Variants in CDH2 observed in about 807,000 individuals in gnomAD.
CDH2 encodes the protein cadherin 2.
In CDH2, 17 loss-of-function variants were observed where a neutral mutation model predicts 92.0. That is an observed-to-expected ratio of 0.18 (90% CI 0.13 to 0.28). The LOEUF (loss-of-function observed/expected upper bound fraction) is 0.28. Ranked by LOEUF, CDH2 falls within the 10% of genes least tolerant of loss-of-function variation. The pLI is 1.00. For missense variants in CDH2, 862 were observed against 1,133.1 expected (o/e 0.76, Z 3.44); for synonymous variants, 419 against 415.9 (o/e 1.01, Z -0.09).
downstream of CDH2, among the ~76,000 whole-genome samples, chr18:27,948,605 T>A (rs778616366): frequency 2.6e-5 from 4 of 151,514 alleles, no homozygotes; most frequent in Non-Finnish European, 4.4e-5. Context: ...AAAACACAAA[T>A]AACTCAACAG....
In CDH2 at chr18:28,040,999, G is replaced by A. The variant is rs17535517; in HGVS notation, c.173-27090C>T. On this transcript the variant is annotated intron_variant, in intron 2 of 15. Transcript: ENST00000269141. ...GTACCAGACCCAGGATGACACAGTG[G>A]TGGAACTAAGAATGTTTGAACATCA... Among the ~76,000 whole-genome samples the A allele has an allele frequency of 6.3e-3, 954 of 152,284 alleles. 10 individuals are homozygous for A. Among genetic ancestry groups the A allele is most frequent in the African/African-American group, 0.021 (859 of 41,554 alleles).
At chr18:28,174,575 T>C (rs904181507) in intron 1 of CDH2, among the ~76,000 whole-genome samples, 14 of 152,220 alleles carry the variant, frequency 9.2e-5, no homozygotes, top group African/African-American at 3.1e-4. Flanking sequence ...AACATTGGTA[T>C]AGAAGAAACT....
At chr18:28,134,578 T>C (rs1002209710) in intron 2 of CDH2, among the ~76,000 whole-genome samples, 1 of 151,748 alleles carries the variant, frequency 6.6e-6, no homozygotes, top group African/African-American at 2.4e-5. Flanking sequence ...GGCATGGTGG[T>C]GCATGCCTGT....
intron 1 of CDH2, among the ~76,000 whole-genome samples, chr18:28,156,050 T>C (rs562541350): frequency 1.8e-4 from 28 of 152,344 alleles, no homozygotes; most frequent in African/African-American, 6.7e-4. Context: ...GTTTTTTAAC[T>C]CTTTCTTGCC....
chr18:28,170,716 G>A (rs1249021021), intron 1 of CDH2, among the ~76,000 whole-genome samples: 1 of 152,108 alleles, frequency 6.6e-6, no homozygotes, highest in Admixed American at 6.5e-5. Context: ...TCTTGAACCT[G>A]AACTAGTAGA....
intron 14 of CDH2, 183 bp from the exon 15 acceptor site, chr18:27,963,704 T>C: frequency 1.7e-6 from 1 of 578,374 alleles, no homozygotes; most frequent in Non-Finnish European, 3.1e-6. Context: ...CTCTTTCTTC[T>C]GTGCTTTTCA....
chr18:28,089,014 T>A (rs1257739202), intron 2 of CDH2, among the ~76,000 whole-genome samples: 1 of 152,176 alleles, frequency 6.6e-6, no homozygotes, highest in Non-Finnish European at 1.5e-5. Flanking sequence ...AACAAAAGCC[T>A]ACACACTGTG....
At chr18:28,017,915 A>G (rs1422789904) in intron 2 of CDH2, among the ~76,000 whole-genome samples, 1 of 152,116 alleles carries the variant, frequency 6.6e-6, no homozygotes, top group Admixed American at 6.6e-5. Flanking sequence ...TCCTAGCCGG[A>G]GCAATCAGAC....
At chr18:28,082,087 CTTG>C (rs2014841924) in intron 2 of CDH2, among the ~76,000 whole-genome samples, 1 of 152,062 alleles carries the variant, frequency 6.6e-6, no homozygotes, top group Non-Finnish European at 1.5e-5. Context: ...CTAATATTTT[CTTG>C]TTGTAAGGAT....
intron 9 of CDH2, among the ~76,000 whole-genome samples, chr18:27,991,682 C>T (rs990954610): frequency 6.6e-6 from 1 of 152,198 alleles, no homozygotes; most frequent in African/African-American, 2.4e-5. Context: ...ATATCAGGAG[C>T]AGAGCTGGGA....
chr18:28,172,004 C>T (rs1298517945), intron 1 of CDH2, among the ~76,000 whole-genome samples: 1 of 152,036 alleles, frequency 6.6e-6, no homozygotes, highest in East Asian at 1.9e-4. Context: ...TATTGATTGA[C>T]ACTTCATATC....
intron 2 of CDH2, among the ~76,000 whole-genome samples, chr18:28,062,279 T>C (rs1479149245): frequency 6.6e-6 from 1 of 152,156 alleles, no homozygotes; most frequent in Non-Finnish European, 1.5e-5. Context: ...TATAATGCAA[T>C]AGGAAAGACT....
chr18:27,963,375 A>C lies in CDH2; in HGVS notation c.2496T>G (p.Ile832Met), dbSNP rs1376520105. 6.2e-7 allele frequency: 1 copy of C among 1,614,010 alleles called. No individual in the cohort carries two copies. Residue 832 changes from isoleucine to methionine, a missense_variant, in exon 15 of 16, where the codon ATT becomes ATG. This residue lies in a region of CDH2 where 114 missense variants were observed against 144.8 expected (regional missense o/e 0.79). Coordinates refer to ENST00000269141, the MANE Select transcript of CDH2 (RefSeq NM_001792.5). ...TCTGTACCTCATTAATGAAGTCCCC[A>C]ATGTCTCCAGGGTGTGGGGCTGCAG... Reference protein sequence around the residue: ...VRSAAPHPGDIGDFINEGLKA... With the variant: ...VRSAAPHPGDMGDFINEGLKA...
At chr18:27,963,033 C>T (rs1435968147) in intron 15 of CDH2, among the ~76,000 whole-genome samples, 7 of 151,936 alleles carry the variant, frequency 4.6e-5, no homozygotes, top group Non-Finnish European at 1.0e-4. Flanking sequence ...TTAGAATGCA[C>T]TATAATATTG....
intron 2 of CDH2, among the ~76,000 whole-genome samples, chr18:28,081,774 G>A (rs962539991): frequency 8.5e-5 from 13 of 152,242 alleles, no homozygotes; most frequent in African/African-American, 3.1e-4. Context: ...GTTGACAATG[G>A]TTTAACGGTT....
chr18:28,000,920 C>G (rs557093984), intron 7 of CDH2, among the ~76,000 whole-genome samples: 5 of 151,980 alleles, frequency 3.3e-5, no homozygotes, highest in African/African-American at 4.8e-5. Flanking sequence ...CAAGTCTGCA[C>G]GAGGCCTGAA....
At chr18:27,992,275 A>G (rs1490458921) in intron 9 of CDH2, among the ~76,000 whole-genome samples, 1 of 152,156 alleles carries the variant, frequency 6.6e-6, no homozygotes, top group Non-Finnish European at 1.5e-5. Flanking sequence ...ATATATCATG[A>G]ATATATCAAC....
At chr18:28,117,510 A>G (rs2015515280) in intron 2 of CDH2, among the ~76,000 whole-genome samples, 1 of 152,112 alleles carries the variant, frequency 6.6e-6, no homozygotes, top group Non-Finnish European at 1.5e-5. Flanking sequence ...ATGCTGTACC[A>G]CAGACACCAG....
chr18:28,175,881 G>A (rs906999634), intron 1 of CDH2, among the ~76,000 whole-genome samples: 8 of 152,228 alleles, frequency 5.3e-5, no homozygotes, highest in African/African-American at 1.9e-4. Flanking sequence ...CCCCACGGCA[G>A]GCGGAGACCG....
Sources: allele counts gnomAD v4.1 joint callset (sites outside exome capture counted in the v4.1 genomes callset), GRCh38; gene constraint gnomAD v4.1.1; regional missense constraint gnomAD v4.1.1; transcripts MANE v1.5; gene names NCBI Gene and HGNC (gene_info 2026-07-23, HGNC 2026-07-21).